Variants in PPARGC1A observed in about 807,000 individuals in gnomAD.
PPARGC1A encodes the protein peroxisome proliferator-activated receptor gamma coactivator 1-alpha.
Under a neutral mutation model 88.7 loss-of-function variants are expected in PPARGC1A, and 25 were observed. The observed-to-expected ratio is 0.28, with a 90% CI of 0.21 to 0.39. The LOEUF (loss-of-function observed/expected upper bound fraction) is 0.39, where lower values mean the gene tolerates loss of function less well. Ranked by LOEUF, PPARGC1A falls within the 10% of genes least tolerant of loss-of-function variation. The probability of loss-of-function intolerance (pLI) is 1.00; values close to 1 mark genes in which losing one functional copy is unlikely to be tolerated. For synonymous variants in PPARGC1A, 363 were observed against 355.6 expected (o/e 1.02, Z -0.24); for missense variants, 880 against 968.7 (o/e 0.91, Z 1.22).
the PPARGC1A span, among the ~76,000 whole-genome samples, chr4:24,311,971 G>C: frequency 1.2e-4 from 19 of 152,320 alleles, no homozygotes; most frequent in Admixed American, 4.6e-4. Context: ...GATAAAAACT[G>C]TTTCCAAGGA....
At chr4:24,270,325 C>CTGTGTGTGTGTGTGTGTGTG in the PPARGC1A span, among the ~76,000 whole-genome samples, 9 of 67,350 alleles carry the variant, frequency 1.3e-4, no homozygotes, top group Admixed American at 8.5e-4. Context: ...CTCTCTCTCT[C>CTGTGTGTGTGTGTGTGTGTG]TCTCTCTCTG....
At chr4:24,423,624 T>C in the PPARGC1A span, among the ~76,000 whole-genome samples, 11 of 152,252 alleles carry the variant, frequency 7.2e-5, no homozygotes, top group African/African-American at 2.7e-4. Flanking sequence ...GTTGAGTTTT[T>C]GTCATTGGTT....
the PPARGC1A span, among the ~76,000 whole-genome samples, chr4:23,913,130 T>C: frequency 6.9e-6 from 1 of 144,770 alleles, no homozygotes; most frequent in East Asian, 2.0e-4. Context: ...TTAGCATGCA[T>C]GTGCACACAC....
chr4:24,214,908 C>T, the PPARGC1A span, among the ~76,000 whole-genome samples: 2 of 152,146 alleles, frequency 1.3e-5, no homozygotes. Flanking sequence ...AGTCAGGGTA[C>T]TTTGTATTTA....
chr4:24,459,809 C>CA, the PPARGC1A span, among the ~76,000 whole-genome samples: 6 of 151,574 alleles, frequency 4.0e-5, no homozygotes, highest in South Asian at 2.1e-4. Context: ...CAAACAACAA[C>CA]AAAAAAAACT....
the PPARGC1A span, among the ~76,000 whole-genome samples, chr4:24,159,519 A>C: frequency 1.3e-5 from 2 of 152,134 alleles, no homozygotes; most frequent in African/African-American, 4.8e-5. Flanking sequence ...GAGATTAAGT[A>C]AATTTTCTAA....
At chr4:24,295,220 G>A in the PPARGC1A span, among the ~76,000 whole-genome samples, 3 of 152,022 alleles carry the variant, frequency 2.0e-5, no homozygotes, top group Admixed American at 2.0e-4. Flanking sequence ...TACCCAAAAA[G>A]GAAAAGGATG....
chr4:24,245,962 T>C, the PPARGC1A span, among the ~76,000 whole-genome samples: 5 of 123,886 alleles, frequency 4.0e-5, no homozygotes, highest in African/African-American at 1.5e-4. Context: ...CACACACACT[T>C]ATGCTTGGTC....
At chr4:23,893,379 A>C (rs1718131827), upstream of PPARGC1A, among the ~76,000 whole-genome samples, 1 of 152,146 alleles carries the variant, frequency 6.6e-6, no homozygotes, top group African/African-American at 2.4e-5. Context: ...GAATAGCAAA[A>C]ACAATTGGTT....
In PPARGC1A at chr4:23,795,771, T is replaced by A. The variant is rs1244714927; in HGVS notation, c.*51A>T. 1 of 1,402,826 alleles carries A rather than the reference T, an allele frequency of 7.1e-7. No individual in the cohort carries two copies. The highest frequency in any genetic ancestry group is 1.5e-5 in the African/African-American group (1 of 68,500). The allele number at this position is 1,402,826 out of a possible 1,614,324, so 86.9% of individuals were successfully genotyped here. A position where few individuals can be genotyped will look rare whatever the true frequency, so the allele number is the denominator to read the frequency against. On this transcript the variant is annotated 3_prime_UTR_variant, in exon 13 of 13. Transcript: ENST00000264867. ...CAATAGTCTTTAGGGAAGGACGCGC[T>A]GTCCCATGAGGTATTCGCCATCCCT...
At chr4:23,985,468 A>AT in the PPARGC1A span, among the ~76,000 whole-genome samples, 2,516 of 144,338 alleles carry the variant, frequency 0.017, 61 homozygotes, top group East Asian at 0.11. Context: ...TATCTCTGCA[A>AT]TTTTTTTTTT....
chr4:24,091,678 C>T, the PPARGC1A span: 1 of 978,214 alleles, frequency 1.0e-6, no homozygotes, highest in Non-Finnish European at 1.2e-6. Context: ...AGGGATCGGG[C>T]AGGAAGAACC....
At chr4:24,430,343 C>G in the PPARGC1A span, among the ~76,000 whole-genome samples, 1 of 149,734 alleles carries the variant, frequency 6.7e-6, no homozygotes, top group Non-Finnish European at 1.5e-5. Flanking sequence ...ACTGCAACCT[C>G]CGCTCCTGGG....
rs1458849201 is a variant in PPARGC1A, at chr4:23,844,429, ATATAT to A, written c.235-12683_235-12679del. ...CATATAATAATATATAATATATTAT[ATATAT>A]TATATATAATATAGAATATATTTAT... On this transcript the variant is annotated intron_variant, in intron 2 of 12. Transcript: ENST00000264867. Among the ~76,000 whole-genome samples the A allele has an allele frequency of 7.8e-5, 10 of 128,410 alleles. No individual in the cohort carries two copies. In the South Asian group the frequency reaches 1.3e-3, roughly 17 times the overall value. The allele number at this position is 128,410 out of a possible 152,430, so 84.2% of individuals were successfully genotyped here.
chr4:24,243,056 C>T, the PPARGC1A span, among the ~76,000 whole-genome samples: 2 of 152,178 alleles, frequency 1.3e-5, no homozygotes, highest in African/African-American at 2.4e-5. Context: ...ATGTCTTTCT[C>T]TTCCATTATA....
At chr4:24,038,758 GA>G in the PPARGC1A span, among the ~76,000 whole-genome samples, 1 of 152,092 alleles carries the variant, frequency 6.6e-6, no homozygotes, top group East Asian at 1.9e-4. Flanking sequence ...TTCAGCAATG[GA>G]CCCAGCTCCA....
the PPARGC1A span, among the ~76,000 whole-genome samples, chr4:24,322,248 G>A: frequency 6.6e-6 from 1 of 152,196 alleles, no homozygotes; most frequent in Non-Finnish European, 1.5e-5. Flanking sequence ...CTTCACTGGT[G>A]GCTGGGGTAC....
the PPARGC1A span, among the ~76,000 whole-genome samples, chr4:24,283,030 C>T: frequency 6.6e-6 from 1 of 152,148 alleles, no homozygotes; most frequent in African/African-American, 2.4e-5. Context: ...TCCCGTGCTC[C>T]TTACAAACCA....
At chr4:24,131,873 C>T in the PPARGC1A span, among the ~76,000 whole-genome samples, 2 of 152,174 alleles carry the variant, frequency 1.3e-5, no homozygotes, top group African/African-American at 2.4e-5. Flanking sequence ...CAGAGGTCAG[C>T]AGCTCTGATA....
Sources: allele counts gnomAD v4.1 joint callset (sites outside exome capture counted in the v4.1 genomes callset), GRCh38; gene constraint gnomAD v4.1.1; transcripts MANE v1.5; gene names NCBI Gene and HGNC (gene_info 2026-07-23, HGNC 2026-07-21).